The following RER1 variants were observed in gnomAD, a reference collection of about 807,000 sequenced individuals.
The protein encoded by RER1 is retention in endoplasmic reticulum sorting receptor 1, also known as protein RER1.
Under a neutral mutation model 28.3 loss-of-function variants are expected in RER1, and 6 were observed. The observed-to-expected ratio is 0.21, with a 90% CI of 0.12 to 0.42. The LOEUF (loss-of-function observed/expected upper bound fraction) is 0.42. Among genes scored for constraint, RER1 ranks in the 10% least tolerant of loss-of-function variants. The pLI is 1.00. For missense variants in RER1, 159 were observed against 252.9 expected (o/e 0.63, Z 2.52); for synonymous variants, 110 against 95.9 (o/e 1.15, Z -0.86).
chr1:2,403,169 G>A lies in RER1; in HGVS notation c.*45G>A, dbSNP rs1330089762. ...TCACGTGTTGCAAGAACAGTTTTGA[G>A]CCATTGTTAACAATGCCTTTTTTCT... On this transcript the variant is annotated 3_prime_UTR_variant, in exon 7 of 7. Transcript: ENST00000605895. 1.3e-6 allele frequency: 2 copies of A among 1,501,190 alleles called. No individual in the cohort carries two copies. The highest frequency in any genetic ancestry group is 2.3e-5 in the South Asian group (2 of 88,584). 93.0% of individuals were successfully genotyped at this position (1,501,190 alleles called of 1,614,324 possible).
At position 2,402,291 on chromosome 1, in the gene RER1, G is replaced by T. The variant is rs542666834; in HGVS notation, c.450G>T (p.Leu150=). ...ACGTCCCGGTGTTCTGGCCGATTCTGGTGATGTACTTCATCATGCTCTTCT... is the reference window on the plus strand; with the variant it reads ...ACGTCCCGGTGTTCTGGCCGATTCTTGTGATGTACTTCATCATGCTCTTCT... ...AFNVPVFWPI[L]VMYFIMLFCI... is the part of the protein sequence containing the mutation. Residue 150 remains leucine, a synonymous_variant, in exon 6 of 7, where the codon CTG becomes CTT. Transcript: ENST00000605895. The T allele has an allele frequency of 6.2e-7, 1 of 1,614,252 alleles. No individual in the cohort carries two copies. Among genetic ancestry groups the T allele is most frequent in the African/African-American group, 1.3e-5 (1 of 75,072 alleles).
intron 3 of RER1, 35 bp from the exon 4 acceptor site, chr1:2,399,380 G>C (rs769930348): frequency 3.1e-5 from 44 of 1,408,540 alleles, no homozygotes; most frequent in Admixed American, 1.7e-4. Flanking sequence ...TGGACGGTCA[G>C]AGTGCACCAC....
intron 1 of RER1, 64 bp from the exon 2 acceptor site, chr1:2,395,720 T>C: frequency 8.7e-7 from 1 of 1,151,722 alleles, no homozygotes; most frequent in Admixed American, 1.7e-5. Context: ...TTGGTGAAAA[T>C]AGGGCCAGGA....
intron 1 of RER1, among the ~76,000 whole-genome samples, chr1:2,392,420 G>T (rs1193712537): frequency 6.6e-6 from 1 of 152,226 alleles, no homozygotes; most frequent in Non-Finnish European, 1.5e-5. Context: ...CTGGGGTGAA[G>T]GCGTTACTGA....
intron 3 of RER1, among the ~76,000 whole-genome samples, chr1:2,397,939 G>A (rs778092537): frequency 6.6e-6 from 1 of 152,072 alleles, no homozygotes. Flanking sequence ...TCTCCTCTGG[G>A]GACTGTAGAA....
In RER1 at chr1:2,401,210, TCCTCCTC is replaced by T. The variant is rs1557903577; in HGVS notation, c.365+284_365+290del. Among the ~76,000 whole-genome samples, 3 of 112,778 alleles carry T rather than the reference TCCTCCTC, an allele frequency of 2.7e-5. 1 individual carries two copies. The highest frequency in any genetic ancestry group is 8.7e-5 in the Admixed American group (1 of 11,460). The allele number at this position is 112,778 out of a possible 152,430, so 74.0% of individuals were successfully genotyped here. A position where few individuals can be genotyped will look rare whatever the true frequency, so the allele number is the denominator to read the frequency against. ...GGGAGGGCAGGCCCTCTGTCCTCCC[TCCTCCTC>T]CCTCCTCCTCCCTTCCTCCCTCCTT... On this transcript the variant is annotated intron_variant, in intron 5 of 6. Coordinates refer to ENST00000605895, the MANE Select transcript of RER1 (RefSeq NM_007033.5).
intron 1 of RER1, among the ~76,000 whole-genome samples, chr1:2,393,742 C>G (rs1310510942): frequency 2.0e-5 from 3 of 152,220 alleles, no homozygotes; most frequent in Admixed American, 6.5e-5. Context: ...AGTTCACGTT[C>G]TTGCTCCTGC....
At chr1:2,402,480 G>A in intron 6 of RER1, 138 bp downstream of exon 6, 1 of 1,139,830 alleles carries the variant, frequency 8.8e-7, no homozygotes, top group Non-Finnish European at 1.3e-6. Flanking sequence ...GCACCGTCTT[G>A]TGTGTGACGA....
chr1:2,397,440 C>T (rs1338044536), intron 3 of RER1, among the ~76,000 whole-genome samples: 1 of 152,260 alleles, frequency 6.6e-6, no homozygotes, highest in African/African-American at 2.4e-5. Context: ...CTCAGTATAC[C>T]CAGGCCGTCC....
rs935425137 is a variant in RER1 at position 2,405,253 on chromosome 1, G to A, written c.*2129G>A. 4.9e-5 allele frequency: 13 copies of A among 266,284 alleles called. No homozygotes were observed. Among genetic ancestry groups the A allele is most frequent in the South Asian group, 1.1e-4 (3 of 26,132 alleles). 16.5% of individuals were successfully genotyped at this position (266,284 alleles called of 1,614,324 possible). A position where few individuals can be genotyped will look rare whatever the true frequency, so the allele number is the denominator to read the frequency against. On this transcript the variant is annotated 3_prime_UTR_variant, in exon 7 of 7. Transcript: ENST00000605895. ...GGATGTGCTCTGCCCAGCCGCCCTC[G>A]GGGAGAGCAGCGCCGCCTCCCATGG...
chr1:2,394,434 C>T (rs1014533192), intron 1 of RER1: 15 of 152,222 alleles, frequency 9.9e-5, no homozygotes, highest in Admixed American at 7.2e-4. Flanking sequence ...GGAAGATTTC[C>T]CCAGTGCTCA....
In RER1 at chr1:2,403,361, T is replaced by G; in HGVS notation, c.*237T>G. 1 of 450,504 alleles carries G rather than the reference T, an allele frequency of 2.2e-6. No homozygotes were observed. 27.9% of individuals were successfully genotyped at this position (450,504 alleles called of 1,614,324 possible). ...GTGTTTCTCACGGATGGAATTCTAG[T>G]CAGCTGCAGGCGGGAAGCCAGGCGG... On this transcript the variant is annotated 3_prime_UTR_variant, in exon 7 of 7. Transcript: ENST00000605895.
chr1:2,397,331 T>C, intron 3 of RER1, 111 bp downstream of exon 3: 1 of 733,358 alleles, frequency 1.4e-6, no homozygotes, highest in Admixed American at 2.0e-5. Flanking sequence ...TCTCTAGTAA[T>C]CAATTTTCAG....
chr1:2,402,934 G>A, intron 6 of RER1, 101 bp from the exon 7 acceptor site: 5 of 913,848 alleles, frequency 5.5e-6, no homozygotes, highest in Non-Finnish European at 8.7e-6. Flanking sequence ...CTTGTCTGAT[G>A]TATAGAAAAG....
At position 2,402,021 on chromosome 1, in the gene RER1, G is replaced by T. The variant is rs967283723; in HGVS notation, c.366-186G>T. The T allele has an allele frequency of 3.9e-6, 6 of 1,532,912 alleles. No homozygotes were observed. The African/African-American group carries it at 8.3e-5, about 21-fold the overall frequency. 95.0% of individuals were successfully genotyped at this position (1,532,912 alleles called of 1,614,324 possible). A position where few individuals can be genotyped will look rare whatever the true frequency, so the allele number is the denominator to read the frequency against. ...AAGAGAAGGATGTTTCTGTGGTTAG[G>T]GCAGTACATGTCTGTGAGCTACATG... is the stretch of plus-strand genomic sequence containing the variant. On this transcript the variant is annotated intron_variant, in intron 5 of 6. Coordinates refer to ENST00000605895, the MANE Select transcript of RER1 (RefSeq NM_007033.5).
At chr1:2,402,147 G>A in intron 5 of RER1, 60 bp from the exon 6 acceptor site, 1 of 1,613,938 alleles carries the variant, frequency 6.2e-7, no homozygotes, top group Non-Finnish European at 8.5e-7. Flanking sequence ...GCTGGAGGCG[G>A]CCGGCAGGTG....
intron 4 of RER1, among the ~76,000 whole-genome samples, chr1:2,400,032 C>G (rs1028064461): frequency 2.0e-5 from 3 of 152,224 alleles, no homozygotes; most frequent in African/African-American, 7.2e-5. Flanking sequence ...GTTCCTGGTG[C>G]TTCGTGCTCC....
intron 6 of RER1, among the ~76,000 whole-genome samples, 153 bp downstream of exon 6, chr1:2,402,495 A>C: frequency 1.4e-5 from 1 of 69,296 alleles, no homozygotes. Flanking sequence ...TGACGAGGAC[A>C]CTGCTCCGTT....
At chr1:2,398,589 A>G (rs184773240) in intron 3 of RER1, among the ~76,000 whole-genome samples, 32 of 152,310 alleles carry the variant, frequency 2.1e-4, no homozygotes, top group Admixed American at 1.7e-3. Flanking sequence ...AGGTTTCACC[A>G]TGTTGGCCAG....
Sources: allele counts gnomAD v4.1 joint callset (sites outside exome capture counted in the v4.1 genomes callset), GRCh38; gene constraint gnomAD v4.1.1; transcripts MANE v1.5; gene names NCBI Gene and HGNC (gene_info 2026-07-23, HGNC 2026-07-21).